The following MICU2 variants were observed in gnomAD, a reference collection of about 807,000 sequenced individuals.
The protein encoded by MICU2 is calcium uptake protein 2, mitochondrial.
A neutral mutation model predicts 60.4 loss-of-function variants in MICU2; 64 were observed. The observed-to-expected ratio is 1.06, with a 90% confidence interval of 0.87 to 1.31. The LOEUF is 1.31. Ranked by LOEUF, MICU2 falls within the 50% of genes most tolerant of loss-of-function variation. The probability of loss-of-function intolerance (pLI) is 0.00; values close to 1 mark genes in which losing one functional copy is unlikely to be tolerated. For missense variants in MICU2, 569 were observed against 531.0 expected (o/e 1.07, Z -0.70); for synonymous variants, 201 against 175.0 (o/e 1.15, Z -1.17).
intron 2 of MICU2, among the ~76,000 whole-genome samples, chr13:21,553,224 T>G (rs939393248): frequency 7.9e-5 from 12 of 152,342 alleles, no homozygotes; most frequent in Middle Eastern, 3.4e-3. Context: ...ATGATTTGGC[T>G]CTCTGTCTGT....
At chr13:21,516,961 C>T (rs536690256) in intron 6 of MICU2, among the ~76,000 whole-genome samples, 5 of 152,136 alleles carry the variant, frequency 3.3e-5, no homozygotes, top group African/African-American at 7.2e-5. Context: ...GCACTAAAAC[C>T]CTGGCATGTA....
intron 2 of MICU2, among the ~76,000 whole-genome samples, chr13:21,546,236 C>T (rs975429374): frequency 7.3e-5 from 11 of 151,054 alleles, no homozygotes; most frequent in Non-Finnish European, 1.6e-4. Context: ...AAACTGGCTT[C>T]CTTGCCAATT....
chr13:21,597,710 T>A (rs1424962974), intron 1 of MICU2, among the ~76,000 whole-genome samples: 1 of 151,942 alleles, frequency 6.6e-6, no homozygotes, highest in Non-Finnish European at 1.5e-5. Context: ...GGCGGGTGGA[T>A]CACGAGGTCA....
rs1001946496 is a variant in MICU2 at position 21,586,446 on chromosome 13, C to T, written c.210+17493G>A. Among the ~76,000 whole-genome samples the T allele has an allele frequency of 3.9e-5, 6 of 151,934 alleles. No homozygotes were observed. In the South Asian group the frequency reaches 1.0e-3, roughly 26 times the overall value. On this transcript the variant is annotated intron_variant, in intron 1 of 11. Transcript: ENST00000382374. The stretch of plus-strand genomic sequence containing the variant: ...TTTTAAAGATAGGGTCTTGGTCTGC[C>T]GTCTAGGCTAGAATGTAACGGTGTG...
intron 1 of MICU2, chr13:21,603,554 G>A (rs931872413): frequency 3.2e-5 from 8 of 252,798 alleles, no homozygotes; most frequent in African/African-American, 1.6e-4. Context: ...ACCTGCGGAT[G>A]TGAATGCCAC....
intron 1 of MICU2, among the ~76,000 whole-genome samples, chr13:21,581,046 A>G (rs1888337001): frequency 6.6e-6 from 1 of 152,242 alleles, no homozygotes; most frequent in Non-Finnish European, 1.5e-5. Context: ...AACAGCAGGT[A>G]AAAATTAGCA....
intron 1 of MICU2, among the ~76,000 whole-genome samples, chr13:21,569,568 T>C (rs925818086): frequency 4.6e-5 from 7 of 151,986 alleles, no homozygotes; most frequent in African/African-American, 1.7e-4. Context: ...AAACACTGAA[T>C]TGAGCATTTA....
chr13:21,493,273 T>G lies in MICU2; in HGVS notation c.1281A>C (p.Lys427Asn). 1 of 1,609,392 alleles carries G rather than the reference T, an allele frequency of 6.2e-7. No homozygotes were observed. Among genetic ancestry groups the G allele is most frequent in the South Asian group, 1.1e-5 (1 of 90,140 alleles). The change falls in exon 12 of 12, where the codon AAA (lysine) becomes AAC (asparagine). Residue 427 changes from lysine (K) to asparagine (N), a missense_variant. Lys to Asn is a moderately conservative substitution (Grantham distance 94, BLOSUM62 0). Transcript: ENST00000382374. The part of the protein sequence containing the change: ...ESIKGVKEVW[K>N]QAGKGLF ...ATTAAAAAAGACCTTTTCCAGCTTG[T>G]TTCCAGACTTCTTTTACTCCTTTAA... is the stretch of plus-strand genomic sequence containing the variant.
chr13:21,504,066 G>A (rs1346128861), intron 8 of MICU2, among the ~76,000 whole-genome samples: 10 of 152,096 alleles, frequency 6.6e-5, no homozygotes, highest in African/African-American at 2.4e-4. Context: ...GTAGGCAAGA[G>A]TTTGTTACTT....
At chr13:21,551,914 A>T (rs1887578887) in intron 2 of MICU2, among the ~76,000 whole-genome samples, 1 of 152,068 alleles carries the variant, frequency 6.6e-6, no homozygotes, top group Admixed American at 6.6e-5. Flanking sequence ...GTGTCTTTAT[A>T]GCAGCATGAT....
chr13:21,549,046 C>T (rs1841763479), intron 2 of MICU2, among the ~76,000 whole-genome samples: 1 of 151,474 alleles, frequency 6.6e-6, no homozygotes, highest in South Asian at 2.1e-4. Context: ...CTGCCTCAGC[C>T]TCCCAAGTAG....
At chr13:21,509,703 A>G (rs908259860) in intron 8 of MICU2, among the ~76,000 whole-genome samples, 8 of 152,260 alleles carry the variant, frequency 5.3e-5, no homozygotes, top group Non-Finnish European at 1.2e-4. Context: ...TGTTTCGCCT[A>G]AAGAACAACT....
chr13:21,505,717 C>T (rs1009754762), intron 8 of MICU2, among the ~76,000 whole-genome samples: 5 of 152,100 alleles, frequency 3.3e-5, no homozygotes, highest in African/African-American at 1.2e-4. Flanking sequence ...TTCAATGCAC[C>T]CACCACCTAC....
At chr13:21,512,254 G>A (rs1488302474) in intron 7 of MICU2, among the ~76,000 whole-genome samples, 3 of 152,042 alleles carry the variant, frequency 2.0e-5, no homozygotes, top group East Asian at 1.9e-4. Context: ...ATTTTCTTTG[G>A]AGAAATATTA....
intron 8 of MICU2, among the ~76,000 whole-genome samples, chr13:21,505,683 C>T (rs912741288): frequency 2.6e-5 from 4 of 152,216 alleles, no homozygotes; most frequent in Non-Finnish European, 5.9e-5. Context: ...CTTCTGGTAA[C>T]CTAGTCTGGT....
At chr13:21,498,883 G>A (rs949359054) in intron 9 of MICU2, among the ~76,000 whole-genome samples, 17 of 151,874 alleles carry the variant, frequency 1.1e-4, no homozygotes, top group African/African-American at 3.9e-4. Context: ...TCATGACCTC[G>A]AAGTAGGCAC....
chr13:21,530,863 C>CAGCGACAGGAGTTTCTGAG (rs1886978971), intron 4 of MICU2: 2 of 739,348 alleles, frequency 2.7e-6, no homozygotes. Flanking sequence ...CCTGGACTCA[C>CAGCGACAGGAGTTTCTGAG]CCTCCTACGT....
At chr13:21,556,474 T>C (rs1887711576) in intron 2 of MICU2, among the ~76,000 whole-genome samples, 1 of 152,214 alleles carries the variant, frequency 6.6e-6, no homozygotes, top group Non-Finnish European at 1.5e-5. Flanking sequence ...TCAAGTATTT[T>C]AGCCTTAAAT....
In MICU2 at chr13:21,514,406, T is replaced by C. The variant is rs759557240; in HGVS notation, c.610A>G (p.Ile204Val). ...KREFFKLQKI[I>V]SKQDDLMTVK... ...GTCATCAAGTCATCTTGTTTACTTA[T>C]GATCTTCTGCAGCTAAAAAGATTAC... The change falls in exon 7 of 12, where the codon ATA becomes GTA. Residue 204 changes from isoleucine to valine, a missense_variant. Ile to Val is a conservative substitution (Grantham distance 29, BLOSUM62 3). Coordinates refer to ENST00000382374, the MANE Select transcript of MICU2 (RefSeq NM_152726.3). 6 of 1,613,352 alleles carry C rather than the reference T, an allele frequency of 3.7e-6. No homozygotes were observed. The highest frequency in any genetic ancestry group is 2.7e-5 in the African/African-American group (2 of 74,882).
Sources: allele counts gnomAD v4.1 joint callset (sites outside exome capture counted in the v4.1 genomes callset), GRCh38; gene constraint gnomAD v4.1.1; transcripts MANE v1.5; gene names NCBI Gene and HGNC (gene_info 2026-07-23, HGNC 2026-07-21).